Variants in FREM3 observed in about 807,000 individuals in gnomAD.
FREM3 encodes FRAS1-related extracellular matrix protein 3.
Under a neutral mutation model 129.1 loss-of-function variants are expected in FREM3, and 105 were observed. The observed-to-expected ratio is 0.81, with a 90% CI of 0.69 to 0.96. The LOEUF (loss-of-function observed/expected upper bound fraction) is 0.96. Ranked by LOEUF, FREM3 falls within the 40% of genes least tolerant of loss-of-function variation. The pLI is 0.00. For missense variants in FREM3, 2,593 were observed against 2,666.3 expected, an observed-to-expected ratio of 0.97 and a Z score of 0.61; for synonymous variants, 1,014 against 1,044.9, an observed-to-expected ratio of 0.97 and a Z score of 0.57.
intron 6 of FREM3, among the ~76,000 whole-genome samples, chr4:143,607,247 T>C (rs1738682825): frequency 6.6e-6 from 1 of 152,198 alleles, no homozygotes; most frequent in African/African-American, 2.4e-5. Context: ...ACATTCTGGA[T>C]ATCTCCTCAT....
In FREM3 at chr4:143,696,381, T is replaced by G; in HGVS notation, c.4295A>C (p.Lys1432Thr). The change falls in exon 1 of 8, where the codon AAA (lysine) becomes ACA (threonine). Residue 1432 changes from lysine to threonine, a missense_variant. Transcript: ENST00000329798. ...GGCACCTTCTATCAAGGTGATCCTTTTGCTGATTACCTCAGGGAAGACGCT... is the reference window on the plus strand; with the variant it reads ...GGCACCTTCTATCAAGGTGATCCTTGTGCTGATTACCTCAGGGAAGACGCT... ...LDSVFPEVIS[K>T]RITLIEGARV... 1 of 1,537,428 alleles carries G rather than the reference T, an allele frequency of 6.5e-7. No homozygotes were observed. Among genetic ancestry groups the G allele is most frequent in the Non-Finnish European group, 8.7e-7 (1 of 1,146,922 alleles).
At chr4:143,617,430 G>A (rs1578836375) in intron 5 of FREM3, among the ~76,000 whole-genome samples, 1 of 152,272 alleles carries the variant, frequency 6.6e-6, no homozygotes, top group South Asian at 2.1e-4. Flanking sequence ...GTTGAGAAGA[G>A]GAACAAGAAT....
chr4:143,678,142 A>G (rs1490935701), intron 2 of FREM3, among the ~76,000 whole-genome samples: 1 of 152,212 alleles, frequency 6.6e-6, no homozygotes, highest in African/African-American at 2.4e-5. Flanking sequence ...AACCAATGCC[A>G]ATGTCCAACA....
chr4:143,605,940 T>C (rs1053481282), intron 6 of FREM3, among the ~76,000 whole-genome samples: 9 of 152,196 alleles, frequency 5.9e-5, no homozygotes, highest in African/African-American at 2.2e-4. Flanking sequence ...TATTGGCTCA[T>C]GGTTCTTTTT....
chr4:143,658,591 A>G (rs1560860490), intron 2 of FREM3, among the ~76,000 whole-genome samples: 1 of 152,228 alleles, frequency 6.6e-6, no homozygotes, highest in Non-Finnish European at 1.5e-5. Context: ...GATGAAGTCT[A>G]TCGACATCAG....
At chr4:143,684,186 G>A (rs1187491209) in intron 2 of FREM3, among the ~76,000 whole-genome samples, 3 of 152,078 alleles carry the variant, frequency 2.0e-5, no homozygotes, top group African/African-American at 7.2e-5. Flanking sequence ...TGACCTCCTA[G>A]CAGGAGATCA....
chr4:143,696,847 C>T lies in FREM3; in HGVS notation c.3829G>A (p.Glu1277Lys), dbSNP rs1418864558. The change falls in exon 1 of 8, where the codon GAG becomes AAG. Residue 1277 changes from glutamate to lysine, a missense_variant. Glu to Lys is a moderately conservative substitution (Grantham distance 56, BLOSUM62 1). This residue lies in a region of FREM3 where 2,276 missense variants were observed against 2,267.2 expected (regional missense o/e 1.00). Transcript: ENST00000329798. ...VYEHDDSETK[E>K]DSFEVWLSDG... is the part of the protein sequence containing the mutation. Reference sequence around the variant, plus strand: ...CTCAGCCAGACCTCAAAACTGTCCTCTTTTGTCTCTGAGTCATCATGCTCA... The same window carrying T: ...CTCAGCCAGACCTCAAAACTGTCCTTTTTTGTCTCTGAGTCATCATGCTCA... 2.6e-6 allele frequency: 4 copies of T among 1,537,716 alleles called. No homozygotes were observed. Among genetic ancestry groups the T allele is most frequent in the Non-Finnish European group, 3.5e-6 (4 of 1,147,026 alleles).
rs1190368149 is a variant in FREM3 at position 143,697,909 on chromosome 4, C to T, written c.2767G>A (p.Val923Met). 5.2e-6 allele frequency: 8 copies of T among 1,537,752 alleles called. No homozygotes were observed. The highest frequency in any genetic ancestry group is 1.7e-4 in the Middle Eastern group (1 of 6,018). The part of the protein sequence containing the change: ...DTFHLEVSDG[V>M]HHIPITIPIS... ...GGGATGGTGATGGGTATATGGTGCA[C>T]CCCATCACTTACTTCCAGATGGAAA... Residue 923 changes from valine (V) to methionine (M), a missense_variant, in exon 1 of 8, where the codon GTG becomes ATG. Val to Met is a conservative substitution (Grantham distance 21). This residue lies in a region of FREM3 where 2,276 missense variants were observed against 2,267.2 expected (regional missense o/e 1.00). Coordinates refer to ENST00000329798, the MANE Select transcript of FREM3 (RefSeq NM_001168235.2).
intron 2 of FREM3, among the ~76,000 whole-genome samples, chr4:143,629,458 C>G (rs997149556): frequency 6.6e-6 from 1 of 152,096 alleles, no homozygotes; most frequent in Non-Finnish European, 1.5e-5. Context: ...TGTTTACTCT[C>G]TATAGTTTTC....
intron 3 of FREM3, among the ~76,000 whole-genome samples, chr4:143,627,240 C>T (rs1296043162): frequency 6.6e-6 from 1 of 152,042 alleles, no homozygotes; most frequent in Non-Finnish European, 1.5e-5. Context: ...ATCATGTACT[C>T]ATAAATAATT....
chr4:143,696,301 C>T lies in FREM3; in HGVS notation c.4375G>A (p.Glu1459Lys). 1 of 1,537,538 alleles carries T rather than the reference C, an allele frequency of 6.5e-7. No homozygotes were observed. The highest frequency in any genetic ancestry group is 8.7e-7 in the Non-Finnish European group (1 of 1,146,972). ...LTNSDINSSDEHHFSITRAPS... is the reference protein window; with the variant it reads ...LTNSDINSSDKHHFSITRAPS... ...GCCCGTGTAATGCTAAAGTGATGTTCATCAGAGCTGTTGATGTCACTGTTG... is the reference window on the plus strand; with the variant it reads ...GCCCGTGTAATGCTAAAGTGATGTTTATCAGAGCTGTTGATGTCACTGTTG... The change falls in exon 1 of 8, where the codon GAA (glutamate) becomes AAA (lysine). Residue 1459 changes from glutamate to lysine, a missense_variant. Physicochemically the swap from Glu to Lys is moderately conservative, Grantham distance 56. Coordinates refer to ENST00000329798, the MANE Select transcript of FREM3 (RefSeq NM_001168235.2).
chr4:143,620,035 A>G (rs566080655), intron 5 of FREM3, among the ~76,000 whole-genome samples: 3 of 152,314 alleles, frequency 2.0e-5, no homozygotes, highest in South Asian at 4.1e-4. Flanking sequence ...CTGACCCACA[A>G]TCTGCAGCAA....
chr4:143,588,686 T>C (rs1320993625), intron 6 of FREM3, among the ~76,000 whole-genome samples: 1 of 151,806 alleles, frequency 6.6e-6, no homozygotes, highest in East Asian at 1.9e-4. Context: ...CTATTGTGAA[T>C]AGTGCCACAA....
chr4:143,688,172 A>G (rs1426895546), intron 2 of FREM3, among the ~76,000 whole-genome samples: 1 of 152,226 alleles, frequency 6.6e-6, no homozygotes, highest in Non-Finnish European at 1.5e-5. Flanking sequence ...GAGTTTACGG[A>G]TACAAGAGTA....
chr4:143,650,884 T>G (rs1489849772), intron 2 of FREM3, among the ~76,000 whole-genome samples: 1 of 152,228 alleles, frequency 6.6e-6, no homozygotes, highest in Non-Finnish European at 1.5e-5. Flanking sequence ...ATAATCACAA[T>G]GGACTTTTCT....
chr4:143,659,768 G>A (rs546594924), intron 2 of FREM3, among the ~76,000 whole-genome samples: 2 of 151,108 alleles, frequency 1.3e-5, no homozygotes, highest in East Asian at 2.0e-4. Context: ...TTTAATGATT[G>A]CCATTCTAAC....
intron 2 of FREM3, among the ~76,000 whole-genome samples, chr4:143,640,104 T>C (rs1393682657): frequency 6.6e-6 from 1 of 152,168 alleles, no homozygotes; most frequent in Admixed American, 6.5e-5. Flanking sequence ...TAATGAAGCT[T>C]CCATGGGTAA....
chr4:143,617,453 G>A (rs985440401), intron 5 of FREM3, among the ~76,000 whole-genome samples: 3 of 152,208 alleles, frequency 2.0e-5, no homozygotes, highest in Admixed American at 6.5e-5. Context: ...ATTCTCCTCT[G>A]CCCTGGAAGA....
At chr4:143,666,100 A>T (rs1203006197) in intron 2 of FREM3, among the ~76,000 whole-genome samples, 2 of 152,076 alleles carry the variant, frequency 1.3e-5, no homozygotes, top group Non-Finnish European at 2.9e-5. Flanking sequence ...TACAAACTTA[A>T]ATTATTTTGT....
Sources: allele counts gnomAD v4.1 joint callset (sites outside exome capture counted in the v4.1 genomes callset), GRCh38; gene constraint gnomAD v4.1.1; regional missense constraint gnomAD v4.1.1; transcripts MANE v1.5; gene names NCBI Gene and HGNC (gene_info 2026-07-23, HGNC 2026-07-21).